Variants in HIBCH observed in about 807,000 individuals in gnomAD.
HIBCH encodes 3-hydroxyisobutyryl-CoA hydrolase, mitochondrial.
In HIBCH, 50 loss-of-function variants were observed where a neutral mutation model predicts 58.2. The observed-to-expected ratio is 0.86, with a 90% CI of 0.68 to 1.09. The LOEUF (loss-of-function observed/expected upper bound fraction) is 1.09, where lower values mean the gene tolerates loss of function less well. Ranked by LOEUF, HIBCH falls within the 50% of genes least tolerant of loss-of-function variation. HIBCH has a pLI of 0.00. For missense variants in HIBCH, 450 were observed against 449.7 expected, an observed-to-expected ratio of 1.00 and a Z score of -0.01; for synonymous variants, 151 against 146.9, an observed-to-expected ratio of 1.03 and a Z score of -0.20.
In HIBCH at chr2:190,304,960, T is replaced by C. The variant is rs1688364800; in HGVS notation, c.78+5794A>G. 9.9e-6 allele frequency among the ~76,000 whole-genome samples: 1 copy of C among 100,838 alleles called. No homozygotes were observed. The highest frequency in any genetic ancestry group is 1.1e-4 in the Admixed American group (1 of 9,272). The allele number at this position is 100,838 out of a possible 152,430, so 66.2% of individuals were successfully genotyped here. A position where few individuals can be genotyped will look rare whatever the true frequency, so the allele number is the denominator to read the frequency against. On this transcript the variant is annotated intron_variant, in intron 2 of 13. Coordinates refer to ENST00000359678, the MANE Select transcript of HIBCH (RefSeq NM_014362.4). The surrounding 1 kb of genome is among the most constrained non-coding windows in gnomAD (Gnocchi z 4.1). Reference sequence around the variant, plus strand: ...GAATTGAAGCACAAAAAATCCTGGGTTCTAGCCTTAAGTCTCTCTAACTGT... The same window carrying C: ...GAATTGAAGCACAAAAAATCCTGGGCTCTAGCCTTAAGTCTCTCTAACTGT...
chr2:190,267,531 T>C (rs901478336), intron 6 of HIBCH, among the ~76,000 whole-genome samples: 2 of 152,148 alleles, frequency 1.3e-5, no homozygotes, highest in Non-Finnish European at 2.9e-5. Context: ...GAAAATATCA[T>C]ACCAGTAGAG....
intron 9 of HIBCH, among the ~76,000 whole-genome samples, chr2:190,247,400 G>C (rs917434404): frequency 1.3e-5 from 2 of 152,060 alleles, no homozygotes; most frequent in Non-Finnish European, 2.9e-5. Context: ...ACTATCAAAT[G>C]CTCTGATAAA....
chr2:190,237,789 T>G (rs1027153234), intron 11 of HIBCH, among the ~76,000 whole-genome samples: 1 of 152,066 alleles, frequency 6.6e-6, no homozygotes, highest in East Asian at 1.9e-4. Context: ...CCTCATGTAT[T>G]AGGTATTTCT....
At chr2:190,193,414 A>G (rs1467145274) in intron 1 of HIBCH, among the ~76,000 whole-genome samples, 3 of 152,138 alleles carry the variant, frequency 2.0e-5, no homozygotes, top group Admixed American at 6.5e-5. Context: ...CTGGCCTCAT[A>G]TAGAATAATT....
chr2:190,191,798 T>C (rs1471167033), intron 1 of HIBCH, among the ~76,000 whole-genome samples: 1 of 152,254 alleles, frequency 6.6e-6, no homozygotes, highest in East Asian at 1.9e-4. Context: ...TCAAATCTCG[T>C]TTTCTAAACT....
chr2:190,193,758 G>C (rs193103606), intron 1 of HIBCH, among the ~76,000 whole-genome samples: 24 of 152,178 alleles, frequency 1.6e-4, no homozygotes, highest in African/African-American at 5.8e-4. Context: ...TCTTTTTAAA[G>C]AACCAGCATT....
chr2:190,300,685 T>C (rs1422345973), intron 2 of HIBCH, among the ~76,000 whole-genome samples: 2 of 152,216 alleles, frequency 1.3e-5, no homozygotes, highest in Non-Finnish European at 2.9e-5. Context: ...TTTTTGGTTT[T>C]GTTGCAATTG....
chr2:190,289,900 C>T (rs770972690), intron 5 of HIBCH, among the ~76,000 whole-genome samples: 1 of 152,044 alleles, frequency 6.6e-6, no homozygotes, highest in Non-Finnish European at 1.5e-5. Flanking sequence ...ATTTTTGAGA[C>T]GGAGTCTCGC....
chr2:190,287,027 CGTGTGTGT>C lies in HIBCH; in HGVS notation c.438+551_438+558del, dbSNP rs56811939. Among the ~76,000 whole-genome samples the C allele has an allele frequency of 7.7e-5, 11 of 142,220 alleles. No individual in the cohort carries two copies. In the East Asian group the frequency reaches 1.2e-3, roughly 16 times the overall value. The allele number at this position is 142,220 out of a possible 152,430, so 93.3% of individuals were successfully genotyped here. A position where few individuals can be genotyped will look rare whatever the true frequency, so the allele number is the denominator to read the frequency against. On this transcript the variant is annotated intron_variant, in intron 6 of 13. Coordinates refer to ENST00000359678, the MANE Select transcript of HIBCH (RefSeq NM_014362.4). ...TTCAAAAAGTTAAAATAGCATATAACGTGTGTGTGTGTGTGTGTGTGTGTGTGTGTGTA... is the reference window on the plus strand; with the variant it reads ...TTCAAAAAGTTAAAATAGCATATAACGTGTGTGTGTGTGTGTGTGTGTGTA...
rs542912155 is a variant in HIBCH, at chr2:190,197,280, G to T, written c.*18-7283C>A. The stretch of plus-strand genomic sequence containing the variant: ...GTATACTACTGATTCCTAAGGTGTC[G>T]CATTTCTTGAGTAGTAACTAAATAC... On this transcript the variant is annotated intron_variant, in intron 1 of 1. Transcript: ENST00000399855. This position sits in a 1 kb window ranked among gnomAD's most constrained non-coding sequence, Gnocchi z 4.0. 2.6e-5 allele frequency among the ~76,000 whole-genome samples: 4 copies of T among 152,242 alleles called. No homozygotes were observed. Among genetic ancestry groups the T allele is most frequent in the African/African-American group, 9.6e-5 (4 of 41,546 alleles).
At chr2:190,262,519 G>A (rs1687118009) in intron 6 of HIBCH, among the ~76,000 whole-genome samples, 1 of 152,170 alleles carries the variant, frequency 6.6e-6, no homozygotes, top group Non-Finnish European at 1.5e-5. Flanking sequence ...TATATTCACT[G>A]CAATACTGTT....
At chr2:190,308,378 T>A (rs1024103383) in intron 2 of HIBCH, among the ~76,000 whole-genome samples, 1 of 152,180 alleles carries the variant, frequency 6.6e-6, no homozygotes, top group African/African-American at 2.4e-5. Flanking sequence ...CAAACTCCTG[T>A]TGAAATTTAA....
At position 190,218,223 on chromosome 2, in the gene HIBCH, T is replaced by G. The variant is rs182809701; in HGVS notation, c.892-5148A>C. On this transcript the variant is annotated intron_variant, in intron 11 of 13. Coordinates refer to ENST00000359678, the MANE Select transcript of HIBCH (RefSeq NM_014362.4). ...CCGTTATTGGGCCCTCTCAAAAAAA[T>G]CTCTGTGCTAGCTGGAATCAGGTCT... is the stretch of plus-strand genomic sequence containing the variant. 1.6e-3 allele frequency among the ~76,000 whole-genome samples: 238 copies of G among 151,584 alleles called. 1 individual carries two copies. Among genetic ancestry groups the G allele is most frequent in the Non-Finnish European group, 2.9e-3 (195 of 67,978 alleles).
chr2:190,256,377 C>G (rs998842569), intron 7 of HIBCH, among the ~76,000 whole-genome samples: 1 of 146,396 alleles, frequency 6.8e-6, no homozygotes, highest in African/African-American at 2.7e-5. Flanking sequence ...GTGCAGAACA[C>G]AAAGCAAGAT....
At chr2:190,230,704 AATAT>A (rs1440235693) in intron 11 of HIBCH, among the ~76,000 whole-genome samples, 12 of 152,232 alleles carry the variant, frequency 7.9e-5, no homozygotes, top group African/African-American at 2.9e-4. Context: ...CAAAAAAAGA[AATAT>A]AATCTATAAA....
At chr2:190,208,971 T>C (rs1210999369) in intron 12 of HIBCH, 58 bp from the exon 13 acceptor site, 1 of 1,480,540 alleles carries the variant, frequency 6.8e-7, no homozygotes, top group Non-Finnish European at 9.4e-7. Flanking sequence ...TTCTGGGTTA[T>C]TTTCTCTCTC....
chr2:190,235,067 A>C (rs1358148164), intron 11 of HIBCH, among the ~76,000 whole-genome samples: 1 of 152,164 alleles, frequency 6.6e-6, no homozygotes, highest in Non-Finnish European at 1.5e-5. Flanking sequence ...CTAGAAATGA[A>C]AACTTAAGAC....
chr2:190,316,750 C>T (rs941892502), intron 1 of HIBCH, among the ~76,000 whole-genome samples: 2 of 152,070 alleles, frequency 1.3e-5, no homozygotes, highest in East Asian at 1.9e-4. Flanking sequence ...CAGAAAACAA[C>T]CTAAAAGAGC....
chr2:190,299,130 T>C (rs868187198), intron 2 of HIBCH, among the ~76,000 whole-genome samples: 59 of 152,144 alleles, frequency 3.9e-4, no homozygotes, highest in African/African-American at 1.2e-3. Context: ...AAATTGAAAA[T>C]TGAAATTGGA....
Sources: allele counts gnomAD v4.1 joint callset (sites outside exome capture counted in the v4.1 genomes callset), GRCh38; gene constraint gnomAD v4.1.1; non-coding constraint Gnocchi (gnomAD v3.1); transcripts MANE v1.5; gene names NCBI Gene and HGNC (gene_info 2026-07-23, HGNC 2026-07-21).